LUZP2: variants seen among roughly 807,000 people sequenced by gnomAD.
LUZP2 encodes leucine zipper protein 2.
In LUZP2, 52 loss-of-function variants were observed where a neutral mutation model predicts 51.6. The ratio of observed to expected loss-of-function variants is 1.01; its 90% CI spans 0.81 to 1.27. LUZP2 has a LOEUF of 1.27. LUZP2 is among the 50% of genes most tolerant of loss of function. LUZP2 has a pLI of 0.00. For synonymous variants in LUZP2, 154 were observed against 137.3 expected (o/e 1.12, Z -0.85); for missense variants, 436 against 395.4 (o/e 1.10, Z -0.87).
chr11:24,714,059 T>C (rs1173011785), intron 1 of LUZP2, among the ~76,000 whole-genome samples: 3 of 151,762 alleles, frequency 2.0e-5, no homozygotes, highest in African/African-American at 4.8e-5. Flanking sequence ...CAAAAGTCAA[T>C]ACAGTATAAA....
chr11:24,607,370 T>TTTTTTTTTG (rs1853961588), intron 1 of LUZP2, among the ~76,000 whole-genome samples: 3 of 125,726 alleles, frequency 2.4e-5, no homozygotes, highest in African/African-American at 3.3e-5. Flanking sequence ...TTTTTTTTTT[T>TTTTTTTTTG]GCTTGTGGAT....
At chr11:24,873,051 T>C (rs1189078359) in intron 5 of LUZP2, among the ~76,000 whole-genome samples, 1 of 152,192 alleles carries the variant, frequency 6.6e-6, no homozygotes, top group South Asian at 2.1e-4. Flanking sequence ...TAATCAGCAA[T>C]GTACAGTGCA....
At chr11:24,600,011 A>G (rs952596766) in intron 1 of LUZP2, among the ~76,000 whole-genome samples, 1 of 152,268 alleles carries the variant, frequency 6.6e-6, no homozygotes, top group Non-Finnish European at 1.5e-5. Flanking sequence ...AATATTCTCC[A>G]TAAAAGATAT....
intron 1 of LUZP2, among the ~76,000 whole-genome samples, chr11:24,690,289 G>A (rs11028106): frequency 0.18 from 26,624 of 151,910 alleles, 2,457 homozygotes; most frequent in East Asian, 0.32. Flanking sequence ...AGGTAAGAAG[G>A]CTTTTAATGA....
intron 5 of LUZP2, among the ~76,000 whole-genome samples, chr11:24,828,270 T>C (rs151195479): frequency 4.3e-4 from 65 of 152,220 alleles, no homozygotes; most frequent in Admixed American, 8.5e-4. Context: ...AATGATAGGG[T>C]ATTTGGGTCA....
chr11:24,732,513 A>G (rs1057244608), intron 3 of LUZP2, among the ~76,000 whole-genome samples: 3 of 151,746 alleles, frequency 2.0e-5, no homozygotes, highest in African/African-American at 7.2e-5. Flanking sequence ...CCATCAATAG[A>G]CAGATTTGAT....
intron 7 of LUZP2, among the ~76,000 whole-genome samples, chr11:24,937,718 G>A (rs993502100): frequency 1.3e-5 from 2 of 151,786 alleles, no homozygotes; most frequent in African/African-American, 2.4e-5. Flanking sequence ...TGGCTAACAC[G>A]GCGAAACCCC....
chr11:24,778,046 ACCACTAT>A (rs1453718586), intron 5 of LUZP2, among the ~76,000 whole-genome samples: 1 of 152,148 alleles, frequency 6.6e-6, no homozygotes, highest in East Asian at 1.9e-4. Context: ...CATAAAATGG[ACCACTAT>A]CCATAACTCA....
intron 1 of LUZP2, among the ~76,000 whole-genome samples, chr11:24,619,337 A>G (rs1365444984): frequency 1.3e-5 from 2 of 152,246 alleles, no homozygotes; most frequent in East Asian, 3.9e-4. Flanking sequence ...CCAGAGGCCA[A>G]CTTAGCATTT....
intron 5 of LUZP2, among the ~76,000 whole-genome samples, chr11:24,804,745 T>G (rs954881124): frequency 9.2e-5 from 14 of 152,142 alleles, no homozygotes; most frequent in African/African-American, 3.4e-4. Flanking sequence ...GGGGTGAAGG[T>G]CAGAGGGACC....
chr11:24,676,625 G>T (rs1326537019), intron 1 of LUZP2, among the ~76,000 whole-genome samples: 1 of 151,940 alleles, frequency 6.6e-6, no homozygotes, highest in Non-Finnish European at 1.5e-5. Context: ...TAATATCCTT[G>T]ATTAAGCCTC....
intron 1 of LUZP2, among the ~76,000 whole-genome samples, chr11:24,590,217 T>G (rs979541744): frequency 2.0e-5 from 3 of 152,172 alleles, no homozygotes; most frequent in African/African-American, 7.2e-5. Flanking sequence ...AATTGTGACT[T>G]GTCATTCTTA....
chr11:24,807,189 C>T (rs538893772), intron 5 of LUZP2, among the ~76,000 whole-genome samples: 2 of 152,196 alleles, frequency 1.3e-5, no homozygotes, highest in South Asian at 2.1e-4. Context: ...GGTGCAGTAG[C>T]TCACGCCTGT....
chr11:24,967,931 G>A (rs901716526), intron 7 of LUZP2, among the ~76,000 whole-genome samples: 20 of 152,128 alleles, frequency 1.3e-4, no homozygotes, highest in African/African-American at 3.4e-4. Context: ...TTTATGTTGC[G>A]ATGGAGATTG....
intron 5 of LUZP2, among the ~76,000 whole-genome samples, chr11:24,779,987 A>T (rs909447961): frequency 6.6e-6 from 1 of 152,158 alleles, no homozygotes; most frequent in Non-Finnish European, 1.5e-5. Flanking sequence ...ATTCTCCCGT[A>T]GGGCCTCTGG....
chr11:24,926,667 A>ATG (rs34450333), intron 7 of LUZP2, among the ~76,000 whole-genome samples: 65,131 of 146,036 alleles, frequency 0.45, 14,835 homozygotes, highest in East Asian at 0.75. Context: ...GTATATATAT[A>ATG]TGTGTGTGTG....
intron 1 of LUZP2, among the ~76,000 whole-genome samples, chr11:24,680,571 T>C (rs1037378850): frequency 6.6e-6 from 1 of 152,202 alleles, no homozygotes; most frequent in African/African-American, 2.4e-5. Flanking sequence ...CTTCAGTTCC[T>C]CTATTTTCTG....
At position 24,641,231 on chromosome 11, in the gene LUZP2, A is replaced by AT. The variant is rs547866938; in HGVS notation, c.63-87931dup. Among the ~76,000 whole-genome samples, 44 of 150,100 alleles carry AT rather than the reference A, an allele frequency of 2.9e-4. 3 individuals are homozygous for AT. Among genetic ancestry groups the AT allele is most frequent in the African/African-American group, 1.1e-3 (43 of 40,194 alleles). On this transcript the variant is annotated intron_variant, in intron 1 of 11. Transcript: ENST00000336930. ...TACCCTGCCAACGTTTTCTAATTAG[A>AT]TTTTTTTCTAATATCACCATGTTTT... is the stretch of plus-strand genomic sequence containing the variant.
chr11:24,633,341 A>G (rs113385160), intron 1 of LUZP2, among the ~76,000 whole-genome samples: 8 of 152,096 alleles, frequency 5.3e-5, no homozygotes, highest in African/African-American at 1.7e-4. Flanking sequence ...TATAAAGTTG[A>G]CTTTAGCTGC....
Sources: gnomAD v4.1 joint callset for allele counts (sites outside exome capture counted in the v4.1 genomes callset) on GRCh38, gnomAD v4.1.1 for gene constraint, MANE v1.5 for transcripts, NCBI Gene and HGNC (gene_info 2026-07-23, HGNC 2026-07-21) for gene names.